The following MEOX2 variants were observed in gnomAD, a reference collection of about 807,000 sequenced individuals.
MEOX2 encodes the protein homeobox protein MOX-2.
A neutral mutation model predicts 27.0 loss-of-function variants in MEOX2; 11 were observed. The ratio of observed to expected loss-of-function variants is 0.41; its 90% CI spans 0.26 to 0.68. The LOEUF is 0.68. Ranked by LOEUF, MEOX2 falls within the 30% of genes least tolerant of loss-of-function variation. The pLI is 0.33. For missense variants in MEOX2, 436 were observed against 385.4 expected (o/e 1.13, Z -1.10); for synonymous variants, 189 against 155.4 (o/e 1.22, Z -1.61).
intron 1 of MEOX2, among the ~76,000 whole-genome samples, chr7:15,628,985 G>A (rs1056395041): frequency 6.6e-6 from 1 of 151,996 alleles, no homozygotes; most frequent in African/African-American, 2.4e-5. Context: ...CCTAAAATCT[G>A]TGGCTGATTA....
At chr7:15,662,161 T>A (rs1278281023) in intron 1 of MEOX2, among the ~76,000 whole-genome samples, 2 of 147,384 alleles carry the variant, frequency 1.4e-5, no homozygotes, top group African/African-American at 5.0e-5. Flanking sequence ...TACTGCTAGT[T>A]ACATTTCAGT....
At chr7:15,669,463 C>T (rs562028760) in intron 1 of MEOX2, among the ~76,000 whole-genome samples, 3 of 152,334 alleles carry the variant, frequency 2.0e-5, no homozygotes, top group South Asian at 2.1e-4. Context: ...ATATCTTTGC[C>T]TAATGTGTAG....
In MEOX2 at chr7:15,677,227, A is replaced by G. The variant is rs916346171; in HGVS notation, c.517+8659T>C. Among the ~76,000 whole-genome samples the G allele has an allele frequency of 3.3e-5, 5 of 152,370 alleles. No individual in the cohort carries two copies. The East Asian group carries it at 5.8e-4, about 18-fold the overall frequency. ...TTTTCAGATGGTGCATATGCATTAC[A>G]TAATTGTACATTCATTGATAGATGA... On this transcript the variant is annotated intron_variant, in intron 1 of 2. Coordinates refer to ENST00000262041, the MANE Select transcript of MEOX2 (RefSeq NM_005924.5).
At chr7:15,646,117 G>A (rs1781644536) in intron 1 of MEOX2, among the ~76,000 whole-genome samples, 1 of 151,880 alleles carries the variant, frequency 6.6e-6, no homozygotes, top group Admixed American at 6.6e-5. Context: ...CAACAAACTT[G>A]GCATAAAAAC....
intron 1 of MEOX2, among the ~76,000 whole-genome samples, chr7:15,675,246 G>C (rs1307377268): frequency 2.6e-5 from 4 of 151,980 alleles, no homozygotes; most frequent in Admixed American, 2.6e-4. Flanking sequence ...TTTGGTAATT[G>C]ACCACAAGAG....
intron 1 of MEOX2, among the ~76,000 whole-genome samples, chr7:15,654,163 T>G (rs750300254): frequency 6.6e-6 from 1 of 151,984 alleles, no homozygotes; most frequent in Non-Finnish European, 1.5e-5. Context: ...GGTTGAGCTA[T>G]TGGAGCTCGA....
rs563641807 is a variant in MEOX2, at chr7:15,626,782, G to A, written c.654C>T (p.Tyr218=). 6.3e-5 allele frequency: 101 copies of A among 1,608,474 alleles called. 2 individuals are homozygous for A. In the South Asian group the frequency reaches 8.0e-4, roughly 13 times the overall value. The change falls in exon 2 of 3, where the codon TAC becomes TAT. Residue 218 remains tyrosine, a synonymous_variant. Coordinates refer to ENST00000262041, the MANE Select transcript of MEOX2 (RefSeq NM_005924.5). ...TGAGATCCAGATTCACTGCTATCTC[G>A]TATCGCCTCAGTCTGGTGAGATAAT... ...HHNYLTRLRR[Y]EIAVNLDLTE...
intron 1 of MEOX2, among the ~76,000 whole-genome samples, chr7:15,675,219 C>G (rs1782173293): frequency 6.6e-6 from 1 of 152,030 alleles, no homozygotes; most frequent in African/African-American, 2.4e-5. Context: ...TAAACTGTGT[C>G]AAATATATTC....
intron 1 of MEOX2, among the ~76,000 whole-genome samples, chr7:15,656,246 A>G (rs1781818469): frequency 6.6e-6 from 1 of 151,692 alleles, no homozygotes; most frequent in African/African-American, 2.4e-5. Context: ...TTATGATTGT[A>G]TTTAGAGTGA....
chr7:15,615,010 A>G (rs1434704285), intron 2 of MEOX2, among the ~76,000 whole-genome samples: 1 of 152,130 alleles, frequency 6.6e-6, no homozygotes, highest in African/African-American at 2.4e-5. Context: ...TTGCCCAAAC[A>G]TGTATTAATC....
intron 1 of MEOX2, among the ~76,000 whole-genome samples, chr7:15,660,036 T>C (rs567211864): frequency 6.6e-6 from 1 of 152,284 alleles, no homozygotes; most frequent in South Asian, 2.1e-4. Flanking sequence ...TGATCTATAA[T>C]ATCATTGAGA....
Position 15,612,308 on chromosome 7 carries a change from C to T in MEOX2, c.*79G>A. 9.0e-7 allele frequency: 1 copy of T among 1,105,876 alleles called. No individual in the cohort carries two copies. Among genetic ancestry groups the T allele is most frequent in the South Asian group, 1.3e-5 (1 of 79,546 alleles). The allele number at this position is 1,105,876 out of a possible 1,614,324, so 68.5% of individuals were successfully genotyped here. A position where few individuals can be genotyped will look rare whatever the true frequency, so the allele number is the denominator to read the frequency against. ...TTAAACATCACTGCCATAGTCATCT[C>T]TCTGTGTAAACGATATTTGGGTAAG... On this transcript the variant is annotated 3_prime_UTR_variant, in exon 3 of 3. Transcript: ENST00000262041.
At chr7:15,629,935 T>G (rs1391575604) in intron 1 of MEOX2, among the ~76,000 whole-genome samples, 4 of 151,978 alleles carry the variant, frequency 2.6e-5, no homozygotes, top group African/African-American at 9.7e-5. Context: ...CTGTTCTAAG[T>G]GAGGCAAAAG....
At chr7:15,641,094 T>G (rs931605037) in intron 1 of MEOX2, among the ~76,000 whole-genome samples, 7 of 152,174 alleles carry the variant, frequency 4.6e-5, no homozygotes, top group Non-Finnish European at 1.0e-4. Flanking sequence ...AGTAAGTTGG[T>G]ACCACTTCTG....
intron 1 of MEOX2, among the ~76,000 whole-genome samples, chr7:15,628,564 T>A (rs1475255395): frequency 6.6e-6 from 1 of 152,134 alleles, no homozygotes; most frequent in Non-Finnish European, 1.5e-5. Context: ...TATGTGGGGC[T>A]TTATCCAGCA....
chr7:15,656,280 T>C (rs1781819004), intron 1 of MEOX2, among the ~76,000 whole-genome samples: 1 of 151,854 alleles, frequency 6.6e-6, no homozygotes, highest in African/African-American at 2.4e-5. Flanking sequence ...AATAAATGGT[T>C]GGTTCATGAA....
chr7:15,620,302 G>A (rs895546731), intron 2 of MEOX2, among the ~76,000 whole-genome samples: 7 of 152,180 alleles, frequency 4.6e-5, no homozygotes, highest in Non-Finnish European at 8.8e-5. Flanking sequence ...AGGTAGACTT[G>A]AATTAACATG....
At chr7:15,670,070 A>T (rs1323481099) in intron 1 of MEOX2, among the ~76,000 whole-genome samples, 2 of 152,144 alleles carry the variant, frequency 1.3e-5, no homozygotes, top group Non-Finnish European at 2.9e-5. Flanking sequence ...TGCTTCCAAA[A>T]TTCTACTTTT....
intron 2 of MEOX2, among the ~76,000 whole-genome samples, chr7:15,613,479 G>A (rs1474922209): frequency 9.9e-5 from 15 of 151,562 alleles, no homozygotes; most frequent in African/African-American, 3.6e-4. Context: ...TGTTTAGGAG[G>A]AAATCTGTTT....
Sources: gnomAD v4.1 joint callset for allele counts (sites outside exome capture counted in the v4.1 genomes callset) on GRCh38, gnomAD v4.1.1 for gene constraint, MANE v1.5 for transcripts, NCBI Gene and HGNC (gene_info 2026-07-23, HGNC 2026-07-21) for gene names.